CLINT1: variants seen among roughly 807,000 people sequenced by gnomAD.
CLINT1 encodes clathrin interactor 1, also known as clathrin interacting protein localized in the trans-Golgi region.
A neutral mutation model predicts 70.4 loss-of-function variants in CLINT1; 15 were observed. The observed-to-expected ratio is 0.21, with a 90% CI of 0.14 to 0.33. CLINT1 has a LOEUF of 0.33. Ranked by LOEUF, CLINT1 falls within the 10% of genes least tolerant of loss-of-function variation. The pLI, the probability that CLINT1 is intolerant of heterozygous loss-of-function variation, is 1.00. For synonymous variants in CLINT1, 227 were observed against 254.7 expected (o/e 0.89, Z 1.04); for missense variants, 615 against 778.1 (o/e 0.79, Z 2.49).
intron 6 of CLINT1, among the ~76,000 whole-genome samples, chr5:157,808,423 C>T (rs1581493778): frequency 6.6e-6 from 1 of 152,024 alleles, no homozygotes; most frequent in East Asian, 1.9e-4. Flanking sequence ...AGGCTTGGTT[C>T]CATCACTAAC....
chr5:157,854,274 T>C (rs1406906415), intron 1 of CLINT1, among the ~76,000 whole-genome samples: 1 of 152,180 alleles, frequency 6.6e-6, no homozygotes, highest in African/African-American at 2.4e-5. Context: ...AGGTATTGTA[T>C]GTTTCGAGTT....
rs770099070 is a variant in CLINT1, at chr5:157,791,781, C to T, written c.1302G>A (p.Met434Ile). ...FDLMGSSQAT[M>I]TSSQSMNFSM... ...AGAAATTCATACTCTGGGAAGATGT[C>T]ATGGTTGCCTGGGACGAGCCCATAA... The change falls in exon 10 of 12, where the codon ATG (methionine) becomes ATA (isoleucine). Residue 434 changes from methionine to isoleucine, a missense_variant. By Grantham distance (10) the Met-to-Ile change is conservative (BLOSUM62 1). Around this residue, in one of 2 missense-constraint regions of CLINT1, gnomAD observed 374 missense variants for 409.6 expected, o/e 0.91. Transcript: ENST00000411809. The T allele has an allele frequency of 1.2e-6, 2 of 1,613,842 alleles. No individual in the cohort carries two copies. The highest frequency in any genetic ancestry group is 1.1e-5 in the South Asian group (1 of 91,076).
At chr5:157,830,288 C>A (rs56952480) in intron 1 of CLINT1, among the ~76,000 whole-genome samples, 20,369 of 152,110 alleles carry the variant, frequency 0.13, 1,797 homozygotes, top group African/African-American at 0.25. Flanking sequence ...TTAGTTTATA[C>A]TTTCATCTTG....
At chr5:157,805,435 C>G (rs1410703176) in intron 7 of CLINT1, among the ~76,000 whole-genome samples, 1 of 152,132 alleles carries the variant, frequency 6.6e-6, no homozygotes, top group Non-Finnish European at 1.5e-5. Context: ...GGCAAACACG[C>G]CTCCCTTTAT....
intron 1 of CLINT1, among the ~76,000 whole-genome samples, chr5:157,829,689 ATTTTT>A (rs3075709): frequency 4.3e-4 from 47 of 109,138 alleles, no homozygotes; most frequent in African/African-American, 1.1e-3. Flanking sequence ...ACACCCAGCT[ATTTTT>A]TTTTTTTTTT....
intron 10 of CLINT1, 185 bp downstream of exon 10, chr5:157,791,518 C>G: frequency 1.7e-6 from 1 of 589,090 alleles, no homozygotes. Context: ...ATGCAAATGA[C>G]TATGCTAGGG....
At chr5:157,818,470 A>C (rs1762786268) in intron 1 of CLINT1, among the ~76,000 whole-genome samples, 1 of 148,010 alleles carries the variant, frequency 6.8e-6, no homozygotes, top group South Asian at 2.1e-4. Flanking sequence ...TGGTCTCTAA[A>C]AAAAAAAAAA....
intron 1 of CLINT1, among the ~76,000 whole-genome samples, chr5:157,846,743 T>C (rs897998141): frequency 6.6e-6 from 1 of 152,232 alleles, no homozygotes; most frequent in Admixed American, 6.5e-5. Context: ...GCTGAATCTC[T>C]TCTCATGGGC....
chr5:157,844,791 A>C (rs1753313254), intron 1 of CLINT1, among the ~76,000 whole-genome samples: 1 of 152,262 alleles, frequency 6.6e-6, no homozygotes. Flanking sequence ...AGTTGGTCAC[A>C]GAGGACCACT....
At chr5:157,853,444 C>G (rs563450992) in intron 1 of CLINT1, among the ~76,000 whole-genome samples, 14 of 151,852 alleles carry the variant, frequency 9.2e-5, no homozygotes, top group African/African-American at 3.4e-4. Context: ...ATAAAAAAGG[C>G]TAAGTACTTT....
At chr5:157,848,348 C>A (rs190015315) in intron 1 of CLINT1, among the ~76,000 whole-genome samples, 126 of 151,160 alleles carry the variant, frequency 8.3e-4, no homozygotes, top group Admixed American at 2.8e-3. Context: ...CCACCCGCCT[C>A]TCCCTCACAA....
chr5:157,836,717 C>T (rs1252955574), intron 1 of CLINT1, among the ~76,000 whole-genome samples: 2 of 152,284 alleles, frequency 1.3e-5, no homozygotes, highest in East Asian at 3.9e-4. Context: ...CTTGCTTATT[C>T]TAAAATATCC....
Position 157,814,278 on chromosome 5 carries a change from C to T in CLINT1, c.259G>A (p.Ala87Thr), listed in dbSNP as rs1196017850. 7 of 1,608,476 alleles carry T rather than the reference C, an allele frequency of 4.4e-6. No homozygotes were observed. The African/African-American group carries it at 5.3e-5, about 12-fold the overall frequency. Reference protein sequence around the residue: ...RRVYKSLLLLAYLIRNGSERV... With the variant: ...RRVYKSLLLLTYLIRNGSERV... The stretch of plus-strand genomic sequence containing the variant: ...TCTGATCCATTCCTTATGAGGTAAG[C>T]TAGGAGCAGCAACGACTGCAAAAAT... The change falls in exon 4 of 12, where the codon GCT (alanine) becomes ACT (threonine). Residue 87 changes from alanine (A) to threonine (T), a missense_variant. Coordinates refer to ENST00000411809, the MANE Select transcript of CLINT1 (RefSeq NM_014666.4).
chr5:157,816,857 T>G, intron 2 of CLINT1, 27 bp from the exon 3 acceptor site: 2 of 1,502,310 alleles, frequency 1.3e-6, no homozygotes, highest in Non-Finnish European at 9.1e-7. Context: ...TCTTTAAGAG[T>G]CTGCAATATA....
At chr5:157,835,726 A>T (rs1229291391) in intron 1 of CLINT1, among the ~76,000 whole-genome samples, 1 of 151,974 alleles carries the variant, frequency 6.6e-6, no homozygotes, top group Non-Finnish European at 1.5e-5. Flanking sequence ...TACTCAACAA[A>T]CACACAAAGC....
In CLINT1 at chr5:157,840,015, G is replaced by A. The variant is rs12522182; in HGVS notation, c.41+18915C>T. Among the ~76,000 whole-genome samples, 870 of 151,858 alleles carry A rather than the reference G, an allele frequency of 5.7e-3. 6 individuals are homozygous for A. The highest frequency in any genetic ancestry group is 0.017 in the African/African-American group (716 of 41,394). ...GCAGACTGCCTGAGCTCAGCAGTTC[G>A]AGACCAGGCTGTTGCTACTAAAAAT... On this transcript the variant is annotated intron_variant, in intron 1 of 11. Transcript: ENST00000411809.
chr5:157,791,643 A>G (rs1761908525), intron 10 of CLINT1, 60 bp downstream of exon 10: 5 of 1,441,548 alleles, frequency 3.5e-6, no homozygotes, highest in South Asian at 2.7e-5. Context: ...CTATCATTCA[A>G]TGAGTTAGAG....
intron 1 of CLINT1, among the ~76,000 whole-genome samples, chr5:157,839,669 C>A (rs1763555547): frequency 1.3e-5 from 2 of 151,324 alleles, no homozygotes; most frequent in Non-Finnish European, 2.9e-5. Context: ...CTCTGGACTA[C>A]AGGTGATCCT....
chr5:157,824,024 CA>C (rs2113239024), intron 1 of CLINT1, among the ~76,000 whole-genome samples: 1 of 152,264 alleles, frequency 6.6e-6, no homozygotes, highest in South Asian at 2.1e-4. Context: ...CTGGTCTGTG[CA>C]AAAATTGTCT....
Sources: allele counts gnomAD v4.1 joint callset (sites outside exome capture counted in the v4.1 genomes callset), GRCh38; gene constraint gnomAD v4.1.1; regional missense constraint gnomAD v4.1.1; transcripts MANE v1.5; gene names NCBI Gene and HGNC (gene_info 2026-07-23, HGNC 2026-07-21).